The following PARD3B variants were observed in gnomAD, a reference collection of about 807,000 sequenced individuals.
PARD3B encodes the protein par-3 family cell polarity regulator beta, also known as partitioning defective 3 homolog B.
PARD3B carries 103 observed loss-of-function variants against 130.2 expected under a neutral mutation model. The observed-to-expected ratio is 0.79, with a 90% CI of 0.67 to 0.93. The LOEUF (loss-of-function observed/expected upper bound fraction) is 0.93. Among genes scored for constraint, PARD3B ranks in the 40% least tolerant of loss-of-function variants. PARD3B has a pLI of 0.00. For missense variants in PARD3B, 1,609 were observed against 1,499.2 expected (o/e 1.07, Z -1.21); for synonymous variants, 583 against 553.2 (o/e 1.05, Z -0.76).
intron 2 of PARD3B, among the ~76,000 whole-genome samples, chr2:204,766,316 T>C (rs1035787067): frequency 6.6e-6 from 1 of 152,166 alleles, no homozygotes; most frequent in Non-Finnish European, 1.5e-5. Flanking sequence ...TTTAAAAATA[T>C]TTAATATTCT....
intron 18 of PARD3B, among the ~76,000 whole-genome samples, chr2:205,393,174 C>A (rs1206936317): frequency 6.6e-6 from 1 of 152,118 alleles, no homozygotes; most frequent in Non-Finnish European, 1.5e-5. Flanking sequence ...ATTCAGAACC[C>A]AATTTAGAAT....
Position 205,268,875 on chromosome 2 carries a change from G to A in PARD3B, c.2185+23053G>A, listed in dbSNP as rs1199722310. Among the ~76,000 whole-genome samples, 1 of 152,108 alleles carries A rather than the reference G, an allele frequency of 6.6e-6. No individual in the cohort carries two copies. Among genetic ancestry groups the A allele is most frequent in the Non-Finnish European group, 1.5e-5 (1 of 68,012 alleles). On this transcript the variant is annotated intron_variant, in intron 16 of 22. Transcript: ENST00000406610. This position sits in a 1 kb window ranked among gnomAD's most constrained non-coding sequence, Gnocchi z 4.1. ...CAACCTCATTAATAAGGTAATAAGA[G>A]ACTGTCTTACCAGTGATGTTATTTG...
intron 2 of PARD3B, among the ~76,000 whole-genome samples, chr2:204,780,347 T>C (rs569732172): frequency 1.8e-4 from 28 of 152,158 alleles, no homozygotes; most frequent in Non-Finnish European, 3.8e-4. Flanking sequence ...TCTAAAATTA[T>C]AGAATTTGGT....
chr2:205,194,874 C>G (rs1162868148), intron 15 of PARD3B, among the ~76,000 whole-genome samples: 4 of 151,826 alleles, frequency 2.6e-5, no homozygotes, highest in Non-Finnish European at 5.9e-5. Flanking sequence ...ACCTCCGCCC[C>G]CTGGGTTCAA....
chr2:204,926,580 TCTC>T (rs1350871132), intron 2 of PARD3B, among the ~76,000 whole-genome samples: 1 of 152,036 alleles, frequency 6.6e-6, no homozygotes, highest in Non-Finnish European at 1.5e-5. Flanking sequence ...CAGCTGTGGA[TCTC>T]CTCACAACAT....
At chr2:204,740,180 C>G (rs1412801790) in intron 2 of PARD3B, among the ~76,000 whole-genome samples, 1 of 142,884 alleles carries the variant, frequency 7.0e-6, no homozygotes, top group African/African-American at 2.6e-5. Flanking sequence ...CCTGGCTAAT[C>G]TTTTTTTTTT....
At chr2:205,054,101 A>G (rs1214424463) in intron 4 of PARD3B, among the ~76,000 whole-genome samples, 1 of 151,920 alleles carries the variant, frequency 6.6e-6, no homozygotes, top group Non-Finnish European at 1.5e-5. Context: ...AAGTTTAGGC[A>G]GCTTAATTTT....
At chr2:205,449,849 A>G (rs1462785315) in intron 20 of PARD3B, among the ~76,000 whole-genome samples, 1 of 152,236 alleles carries the variant, frequency 6.6e-6, no homozygotes, top group African/African-American at 2.4e-5. Context: ...CTGACTCTCA[A>G]GGAACTCAGT....
At chr2:205,445,007 A>G (rs1359336393) in intron 20 of PARD3B, among the ~76,000 whole-genome samples, 2 of 152,172 alleles carry the variant, frequency 1.3e-5, no homozygotes, top group Non-Finnish European at 2.9e-5. Flanking sequence ...TTAAGGAGTG[A>G]GCTCTTGGTG....
chr2:205,304,809 G>A (rs536740768), intron 18 of PARD3B, among the ~76,000 whole-genome samples: 79 of 152,250 alleles, frequency 5.2e-4, no homozygotes, highest in African/African-American at 1.4e-3. Context: ...GCTGGGCATG[G>A]TGGCATGTGC....
At chr2:205,523,658 C>T (rs141465206) in intron 21 of PARD3B, among the ~76,000 whole-genome samples, 283 of 151,996 alleles carry the variant, frequency 1.9e-3, no homozygotes, top group Admixed American at 6.4e-3. Context: ...ATTTAATATA[C>T]AGTTGTGTTT....
chr2:205,471,789 T>C (rs1433775380), intron 20 of PARD3B, among the ~76,000 whole-genome samples: 1 of 152,224 alleles, frequency 6.6e-6, no homozygotes, highest in Admixed American at 6.5e-5. Context: ...CCACATGACA[T>C]GAAACTCTAT....
chr2:205,284,899 C>G (rs13002238), intron 16 of PARD3B, among the ~76,000 whole-genome samples: 4 of 151,784 alleles, frequency 2.6e-5, no homozygotes, highest in Admixed American at 6.6e-5. Context: ...TGATGCATCA[C>G]AAGCTCCTTC....
rs2039943079 is a variant in PARD3B at position 205,253,439 on chromosome 2, GC to G, written c.2185+7619del. On this transcript the variant is annotated intron_variant, in intron 16 of 22. Transcript: ENST00000406610. The surrounding 1 kb of genome is among the most constrained non-coding windows in gnomAD (Gnocchi z 4.4). ...CCTTGGCTGGGCTGGTGGATGGGAA[GC>G]CAGTATGGATCACCTTGTGGATGGA... 33 of 563,890 alleles carry G rather than the reference GC, an allele frequency of 5.9e-5. No individual in the cohort carries two copies. The highest frequency in any genetic ancestry group is 4.5e-4 in the South Asian group (33 of 72,748). 34.9% of individuals were successfully genotyped at this position (563,890 alleles called of 1,614,324 possible). A position where few individuals can be genotyped will look rare whatever the true frequency, so the allele number is the denominator to read the frequency against.
At chr2:205,240,548 A>T (rs2039306273) in intron 15 of PARD3B, among the ~76,000 whole-genome samples, 1 of 152,156 alleles carries the variant, frequency 6.6e-6, no homozygotes. Context: ...ATCTGAACAC[A>T]TTTGCATATT....
At chr2:204,934,411 A>T (rs17535696) in intron 2 of PARD3B, among the ~76,000 whole-genome samples, 18,477 of 152,146 alleles carry the variant, frequency 0.12, 1,409 homozygotes, top group Non-Finnish European at 0.18. Flanking sequence ...GTTTTACCTA[A>T]ATGGTGTTTT....
chr2:204,872,414 G>C (rs1053441364), intron 2 of PARD3B, among the ~76,000 whole-genome samples: 1 of 152,134 alleles, frequency 6.6e-6, no homozygotes, highest in African/African-American at 2.4e-5. Flanking sequence ...TGTATATAGG[G>C]ACATTTAGAT....
At chr2:205,336,271 A>T (rs527364094) in intron 18 of PARD3B, among the ~76,000 whole-genome samples, 2 of 152,202 alleles carry the variant, frequency 1.3e-5, no homozygotes, top group African/African-American at 4.8e-5. Context: ...CCATTTGACC[A>T]TGAGTTCCCT....
rs773033268 is a variant in PARD3B, at chr2:205,047,584, C to T, written c.398C>T (p.Thr133Ile). 100 of 1,548,294 alleles carry T rather than the reference C, an allele frequency of 6.5e-5. No homozygotes were observed. Among genetic ancestry groups the T allele is most frequent in the Non-Finnish European group, 7.9e-5 (90 of 1,145,502 alleles). The change falls in exon 4 of 23, where the codon ACT becomes ATT. Residue 133 changes from threonine (T) to isoleucine (I), a missense_variant. Physicochemically the swap from Thr to Ile is moderately conservative, Grantham distance 89. Coordinates refer to ENST00000406610, the MANE Select transcript of PARD3B (RefSeq NM_001302769.2). Reference protein sequence around the residue: ...EVTPSALKLGTPLLVRRSSDP... With the variant: ...EVTPSALKLGIPLLVRRSSDP... ...CACCTCTCACTTTGTCTTCCAGGCA[C>T]TCCACTGCTGGTGAGGAGAAGCAGT...
Sources: allele counts gnomAD v4.1 joint callset (sites outside exome capture counted in the v4.1 genomes callset), GRCh38; gene constraint gnomAD v4.1.1; non-coding constraint Gnocchi (gnomAD v3.1); transcripts MANE v1.5; gene names NCBI Gene and HGNC (gene_info 2026-07-23, HGNC 2026-07-21).